The following LTF variants were observed in gnomAD, a reference collection of about 807,000 sequenced individuals.
The protein encoded by LTF is lactotransferrin, also known as epididymis luminal protein 110.
Under a neutral mutation model 87.2 loss-of-function variants are expected in LTF, and 91 were observed. That is an observed-to-expected ratio of 1.04 (90% CI 0.88 to 1.24). The LOEUF (loss-of-function observed/expected upper bound fraction) is 1.24, where lower values mean the gene tolerates loss of function less well. Ranked by LOEUF, LTF falls within the 50% of genes most tolerant of loss-of-function variation. The pLI, the probability that LTF is intolerant of heterozygous loss-of-function variation, is 0.00. For missense variants in LTF, 901 were observed against 904.3 expected, an observed-to-expected ratio of 1.00 and a Z score of 0.05; for synonymous variants, 378 against 356.1, an observed-to-expected ratio of 1.06 and a Z score of -0.69.
At chr3:46,445,572 G>C (rs1010217898) in intron 11 of LTF, 136 bp from the exon 12 acceptor site, 6 of 664,034 alleles carry the variant, frequency 9.0e-6, no homozygotes, top group Non-Finnish European at 1.5e-5. Flanking sequence ...CAAAGAACTG[G>C]CCTTTTTAGG....
At chr3:46,476,235 A>T (rs959862787) in intron 1 of LTF, among the ~76,000 whole-genome samples, 1 of 152,244 alleles carries the variant, frequency 6.6e-6, no homozygotes, top group Non-Finnish European at 1.5e-5. Flanking sequence ...AGATAACAGC[A>T]TCCGGGTCTT....
rs578083867 is a variant in LTF at position 46,435,785 on chromosome 3, G to T, written c.*410C>A. The T allele has an allele frequency of 3.7e-5, 9 of 244,776 alleles. No homozygotes were observed. Among genetic ancestry groups the T allele is most frequent in the Admixed American group, 1.0e-4 (2 of 19,432 alleles). 15.2% of individuals were successfully genotyped at this position (244,776 alleles called of 1,614,324 possible). A position where few individuals can be genotyped will look rare whatever the true frequency, so the allele number is the denominator to read the frequency against. On this transcript the variant is annotated 3_prime_UTR_variant, in exon 17 of 17. Coordinates refer to ENST00000231751, the MANE Select transcript of LTF (RefSeq NM_002343.6). ...CACACTCCCAGGCACATACATGCAC[G>T]TGCACTGAGACAGCTATGTGAATAA...
chr3:46,467,052 C>CTGTT (rs1397633381), upstream of LTF, among the ~76,000 whole-genome samples: 2 of 152,150 alleles, frequency 1.3e-5, no homozygotes, highest in East Asian at 1.9e-4. Flanking sequence ...ACAGGGCAGA[C>CTGTT]TGTTTTCCTG....
rs376868882 is a variant in LTF at position 46,436,191 on chromosome 3, G to T, written c.*4C>A. On this transcript the variant is annotated 3_prime_UTR_variant, in exon 17 of 17. Coordinates refer to ENST00000231751, the MANE Select transcript of LTF (RefSeq NM_002343.6). ...CTTGGGGAGCTGGGCCATCTTCTTC[G>T]GTTTTACTTCCTGAGGAATTCACAG... 3.0e-5 allele frequency: 49 copies of T among 1,613,952 alleles called. No individual in the cohort carries two copies. The highest frequency in any genetic ancestry group is 4.0e-5 in the Non-Finnish European group (47 of 1,179,924).
chr3:46,480,505 A>G (rs1703418676), intron 1 of LTF, among the ~76,000 whole-genome samples: 1 of 152,174 alleles, frequency 6.6e-6, no homozygotes, highest in African/African-American at 2.4e-5. Flanking sequence ...GTGGACCCAG[A>G]GAGGCACTAA....
chr3:46,444,339 T>C (rs1401328856), intron 12 of LTF, among the ~76,000 whole-genome samples: 2 of 152,248 alleles, frequency 1.3e-5, no homozygotes, highest in Non-Finnish European at 2.9e-5. Flanking sequence ...AGAAATTAAC[T>C]TCTGTCTTGT....
intron 13 of LTF, 146 bp downstream of exon 13, chr3:46,443,295 C>T: frequency 2.1e-6 from 2 of 947,982 alleles, no homozygotes; most frequent in East Asian, 2.4e-5. Context: ...TGGGGACAGC[C>T]CTCACTGGGG....
intron 12 of LTF, 64 bp from the exon 13 acceptor site, chr3:46,443,646 T>A: frequency 1.3e-6 from 2 of 1,546,018 alleles, no homozygotes; most frequent in Non-Finnish European, 8.9e-7. Context: ...AACCTTTACC[T>A]AACAGCCGAT....
chr3:46,439,544 G>A, intron 14 of LTF, 64 bp from the exon 15 acceptor site: 2 of 1,460,548 alleles, frequency 1.4e-6, no homozygotes, highest in South Asian at 1.3e-5. Context: ...GTCTCTTCTG[G>A]GTGGGTGTGG....
chr3:46,456,803 C>T (rs952947758), intron 2 of LTF, among the ~76,000 whole-genome samples: 2 of 152,144 alleles, frequency 1.3e-5, no homozygotes, highest in Non-Finnish European at 2.9e-5. Context: ...AACCATGTTC[C>T]TCCGCTTCAG....
intron 1 of LTF, among the ~76,000 whole-genome samples, chr3:46,482,708 GAA>G: frequency 9.4e-6 from 1 of 105,994 alleles, no homozygotes; most frequent in Admixed American, 1.0e-4. Context: ...AGGAAGGAAA[GAA>G]AGAAAGAGAA....
chr3:46,482,110 A>C (rs1347658514), intron 1 of LTF, among the ~76,000 whole-genome samples: 1 of 152,132 alleles, frequency 6.6e-6, no homozygotes, highest in African/African-American at 2.4e-5. Flanking sequence ...TATGCGACTC[A>C]CAATGTCACA....
At chr3:46,455,690 C>T (rs566926023) in intron 4 of LTF, 106 bp downstream of exon 4, 1 of 1,359,422 alleles carries the variant, frequency 7.4e-7, no homozygotes, top group East Asian at 2.3e-5. Context: ...CTCACCCCCA[C>T]CTTGATTCAT....
chr3:46,482,050 A>G lies in LTF; in HGVS notation c.-320+2936T>C, dbSNP rs543888900. On this transcript the variant is annotated intron_variant, in intron 1 of 19. Coordinates refer to the LTF transcript ENST00000443496. ...ATCAATGACATAAGCATTTTTTTTC[A>G]TGAATCAGATAATAGTTTTTTGATA... Among the ~76,000 whole-genome samples the G allele has an allele frequency of 1.9e-3, 296 of 152,302 alleles. 1 individual carries two copies. The highest frequency in any genetic ancestry group is 0.017 in the Middle Eastern group (5 of 294).
chr3:46,452,838 C>G (rs1408095756), intron 6 of LTF, among the ~76,000 whole-genome samples: 3 of 152,172 alleles, frequency 2.0e-5, no homozygotes, highest in Non-Finnish European at 2.9e-5. Context: ...AAATCTATAT[C>G]TGACTTTCTA....
Position 46,450,494 on chromosome 3 carries a change from C to A in LTF, c.882+1G>T, listed in dbSNP as rs751774016. 3.1e-6 allele frequency: 5 copies of A among 1,608,388 alleles called. No individual in the cohort carries two copies. The African/African-American group carries it at 4.0e-5, about 13-fold the overall frequency. ...GTGGGGAGGACCGTGGGTGAAGATA[C>A]CTGTGCCTGGCGGAGAAGATTCCAG... is the stretch of plus-strand genomic sequence containing the variant. On this transcript the variant is annotated splice_donor_variant, in intron 7 of 16. Coordinates refer to ENST00000231751, the MANE Select transcript of LTF (RefSeq NM_002343.6). LOFTEE classifies it high-confidence loss of function.
Position 46,443,574 on chromosome 3 carries a change from A to C in LTF, c.1522T>G (p.Phe508Val), listed in dbSNP as rs1345311175. Reference protein sequence around the residue: ...QTGSCKFDEYFSQSCAPGSDP... With the variant: ...QTGSCKFDEYVSQSCAPGSDP... Reference sequence around the variant, plus strand: ...GACCCAGGGGCACAGCTTTGACTGAAATATTCATCTGGAGAGAAGGAACAC... The same window carrying C: ...GACCCAGGGGCACAGCTTTGACTGACATATTCATCTGGAGAGAAGGAACAC... Residue 508 changes from phenylalanine (F) to valine (V), a missense_variant, in exon 13 of 17, where the codon TTC (phenylalanine) becomes GTC (valine). Physicochemically the swap from Phe to Val is conservative, Grantham distance 50 (BLOSUM62 -1). Transcript: ENST00000231751. The C allele has an allele frequency of 6.2e-7, 1 of 1,613,990 alleles. No homozygotes were observed. The highest frequency in any genetic ancestry group is 8.5e-7 in the Non-Finnish European group (1 of 1,180,038).
chr3:46,468,038 C>T (rs562480559), upstream of LTF, among the ~76,000 whole-genome samples: 4 of 152,356 alleles, frequency 2.6e-5, no homozygotes, highest in Admixed American at 2.6e-4. Context: ...GCCGCAGAGG[C>T]ACCCTCAAAT....
At chr3:46,445,729 C>T (rs1702637089) in intron 11 of LTF, among the ~76,000 whole-genome samples, 1 of 152,244 alleles carries the variant, frequency 6.6e-6, no homozygotes. Flanking sequence ...AGCAATGCAT[C>T]TCTCAGTGTA....
Sources: allele counts gnomAD v4.1 joint callset (sites outside exome capture counted in the v4.1 genomes callset), GRCh38; gene constraint gnomAD v4.1.1; transcripts MANE v1.5; gene names NCBI Gene and HGNC (gene_info 2026-07-23, HGNC 2026-07-21).